Variants in OR14A16 observed in about 807,000 individuals in gnomAD.
OR14A16 encodes olfactory receptor 14A16.
For synonymous variants in OR14A16, 135 were observed against 137.6 expected, an observed-to-expected ratio of 0.98 and a Z score of 0.13; for missense variants, 341 against 366.5, an observed-to-expected ratio of 0.93 and a Z score of 0.57.
chr1:247,823,462 C>T lies in OR14A16; in HGVS notation c.-131+491G>A, dbSNP rs184796920. Among the ~76,000 whole-genome samples the T allele has an allele frequency of 4.6e-5, 7 of 152,294 alleles. No homozygotes were observed. In the East Asian group the frequency reaches 1.3e-3, roughly 29 times the overall value. On this transcript the variant is annotated intron_variant, in intron 1 of 2. Coordinates refer to ENST00000641093, the MANE Select transcript of OR14A16 (RefSeq NM_001001966.2). The stretch of plus-strand genomic sequence containing the variant: ...CACTCACTGAGCCATGATCATGACA[C>T]TACACTCCAGCCTGGGTGACAGAGC...
rs747144143 is a variant in OR14A16 at position 247,814,888 on chromosome 1, GT to G, written c.841del (p.Thr281ProfsTer9). 7 of 1,613,798 alleles carry G rather than the reference GT, an allele frequency of 4.3e-6. No individual in the cohort carries two copies. Reference protein sequence around the residue: ...ISVFYTMLPPTFNPIIYSLRN... With the variant: ...ISVFYTMLPPXFNPIIYSLRN... ...CAAACTGTATATAATGGGATTAAAG[GT>G]TGGGGGCAGCATAGTGTAGAACACA... On this transcript the variant is annotated frameshift_variant, in exon 3 of 3. Coordinates refer to ENST00000641093, the MANE Select transcript of OR14A16 (RefSeq NM_001001966.2). LOFTEE classifies it low-confidence loss of function (END_TRUNC).
Position 247,815,152 on chromosome 1 carries a change from C to T in OR14A16, c.578G>A (p.Arg193Lys), listed in dbSNP as rs1270517495. The T allele has an allele frequency of 1.2e-6, 2 of 1,613,124 alleles. No homozygotes were observed. The highest frequency in any genetic ancestry group is 8.5e-7 in the Non-Finnish European group (1 of 1,179,238). ...LAISCSENLI[R>K]EIALILINVV... ...ATTAATAAGGATGAGTGCAATTTCTCTTATTAAATTTTCTGAGCAAGAAAT... is the reference window on the plus strand; with the variant it reads ...ATTAATAAGGATGAGTGCAATTTCTTTTATTAAATTTTCTGAGCAAGAAAT... Residue 193 changes from arginine (R) to lysine (K), a missense_variant, in exon 3 of 3, where the codon AGA (arginine) becomes AAA (lysine). Coordinates refer to ENST00000641093, the MANE Select transcript of OR14A16 (RefSeq NM_001001966.2).
chr1:247,814,772 A>T lies in OR14A16; in HGVS notation c.*28T>A, dbSNP rs1210351487. On this transcript the variant is annotated 3_prime_UTR_variant, in exon 3 of 3. Transcript: ENST00000641093. ...TGTGTGTACATTATAAATGGTATCT[A>T]TTATTGAAAGAAGAAAAGCAACAGC... The T allele has an allele frequency of 7.8e-7, 1 of 1,280,860 alleles. No individual in the cohort carries two copies. The highest frequency in any genetic ancestry group is 2.3e-5 in the East Asian group (1 of 42,962). The allele number at this position is 1,280,860 out of a possible 1,614,324, so 79.3% of individuals were successfully genotyped here.
In OR14A16 at chr1:247,815,312, C is replaced by G. The variant is rs1437358199; in HGVS notation, c.418G>C (p.Val140Leu). Reference protein sequence around the residue: ...YDVIMDRSTCVQRATVSWLYG... With the variant: ...YDVIMDRSTCLQRATVSWLYG... ...AGCCAAGACACAGTGGCTCTTTGGA[C>G]ACAGGTGCTCCTGTCCATGATGACA... Residue 140 changes from valine to leucine, a missense_variant, in exon 3 of 3, where the codon GTC becomes CTC. Transcript: ENST00000641093. 2 of 1,614,096 alleles carry G rather than the reference C, an allele frequency of 1.2e-6. No homozygotes were observed. The highest frequency in any genetic ancestry group is 1.7e-6 in the Non-Finnish European group (2 of 1,180,014).
At chr1:247,821,486 G>A (rs1024317750) in intron 1 of OR14A16, among the ~76,000 whole-genome samples, 5 of 152,112 alleles carry the variant, frequency 3.3e-5, no homozygotes, top group Non-Finnish European at 7.3e-5. Context: ...CTTCTTGATT[G>A]ATTAACCCCT....
Position 247,815,420 on chromosome 1 carries a change from A to T in OR14A16, c.310T>A (p.Ser104Thr), listed in dbSNP as rs1305655139. Residue 104 changes from serine to threonine, a missense_variant, in exon 3 of 3, where the codon TCT becomes ACT. Transcript: ENST00000641093. ...GCVSQVFLLL[S>T]SASAELLLLT... ...AGGAGCAGCTCTGCAGATGCTGAAG[A>T]AAGCAACAAAAAGACCTGGGAAACA... 2 of 1,614,026 alleles carry T rather than the reference A, an allele frequency of 1.2e-6. No individual in the cohort carries two copies. The highest frequency in any genetic ancestry group is 3.3e-5 in the Admixed American group (2 of 60,028).
Position 247,815,029 on chromosome 1 carries a change from T to A in OR14A16, c.701A>T (p.Lys234Ile). 1 of 1,613,538 alleles carries A rather than the reference T, an allele frequency of 6.2e-7. No individual in the cohort carries two copies. The highest frequency in any genetic ancestry group is 1.7e-5 in the Admixed American group (1 of 60,008). ...KKIPSTEGQS[K>I]AYSICLPHLL... ...GTGTGGAAGGCAAATAGAGTAGGCTTTTGACTGGCCTTCTGTGGAAGGGAT... is the reference window on the plus strand; with the variant it reads ...GTGTGGAAGGCAAATAGAGTAGGCTATTGACTGGCCTTCTGTGGAAGGGAT... Residue 234 changes from lysine to isoleucine, a missense_variant, in exon 3 of 3, where the codon AAA (lysine) becomes ATA (isoleucine). Coordinates refer to ENST00000641093, the MANE Select transcript of OR14A16 (RefSeq NM_001001966.2).
At chr1:247,816,550 G>A (rs959068607) in intron 2 of OR14A16, among the ~76,000 whole-genome samples, 5 of 152,046 alleles carry the variant, frequency 3.3e-5, no homozygotes, top group African/African-American at 9.7e-5. Context: ...AACATGGCGA[G>A]ACCCCATCTC....
chr1:247,816,041 G>A (rs1161218040), intron 2 of OR14A16, among the ~76,000 whole-genome samples: 3 of 151,808 alleles, frequency 2.0e-5, no homozygotes, highest in Non-Finnish European at 4.4e-5. Flanking sequence ...AATTTTCTAC[G>A]GATGTTATCA....
rs1267001169 is a variant in OR14A16, at chr1:247,815,141, G to C, written c.589C>G (p.Leu197Val). 6.2e-7 allele frequency: 1 copy of C among 1,611,520 alleles called. No individual in the cohort carries two copies. The highest frequency in any genetic ancestry group is 8.5e-7 in the Non-Finnish European group (1 of 1,177,726). The change falls in exon 3 of 3, where the codon CTC becomes GTC. Residue 197 changes from leucine (L) to valine (V), a missense_variant. Leu to Val is a conservative substitution (Grantham distance 32). Coordinates refer to ENST00000641093, the MANE Select transcript of OR14A16 (RefSeq NM_001001966.2). The stretch of plus-strand genomic sequence containing the variant: ...TCCAAAACTACATTAATAAGGATGA[G>C]TGCAATTTCTCTTATTAAATTTTCT... ...CSENLIREIA[L>V]ILINVVLDFC...
Position 247,815,602 on chromosome 1 carries a change from A to G in OR14A16, c.128T>C (p.Ile43Thr). The change falls in exon 3 of 3, where the codon ATT (isoleucine) becomes ACT (threonine). Residue 43 changes from isoleucine (I) to threonine (T), a missense_variant. Transcript: ENST00000641093. ...ATGGTCCAAAGTTGTGATCATGATAATGAGGACATTCCCCATCAGGGCACA... is the reference window on the plus strand; with the variant it reads ...ATGGTCCAAAGTTGTGATCATGATAGTGAGGACATTCCCCATCAGGGCACA... ...YLCALMGNVL[I>T]IMITTLDHHL... 1 of 1,613,664 alleles carries G rather than the reference A, an allele frequency of 6.2e-7. No homozygotes were observed. Among genetic ancestry groups the G allele is most frequent in the Middle Eastern group, 1.6e-4 (1 of 6,062 alleles).
intron 1 of OR14A16, among the ~76,000 whole-genome samples, chr1:247,821,395 A>C (rs1197419396): frequency 1.3e-5 from 2 of 152,162 alleles, no homozygotes; most frequent in Admixed American, 1.3e-4. Flanking sequence ...CTTTATCACT[A>C]TCTCTCTTTT....
intron 1 of OR14A16, among the ~76,000 whole-genome samples, chr1:247,820,132 A>G (rs1408967689): frequency 1.3e-5 from 2 of 152,286 alleles, no homozygotes; most frequent in Admixed American, 6.5e-5. Flanking sequence ...CTAGTATTTC[A>G]TTGAAGATTT....
intron 1 of OR14A16, among the ~76,000 whole-genome samples, chr1:247,820,860 C>CA (rs35415698): frequency 0.16 from 18,911 of 120,600 alleles, 2,340 homozygotes; most frequent in African/African-American, 0.37. Flanking sequence ...AGCACCGTCT[C>CA]AAAAAAAAAA....
chr1:247,823,550 T>A (rs1423228830), intron 1 of OR14A16, among the ~76,000 whole-genome samples: 1 of 152,074 alleles, frequency 6.6e-6, no homozygotes, highest in East Asian at 1.9e-4. Context: ...CCCCAACATC[T>A]AGCATGACAA....
rs189124534 is a variant in OR14A16, at chr1:247,820,194, G to A, written c.-130-1017C>T. On this transcript the variant is annotated intron_variant, in intron 1 of 2. Transcript: ENST00000641093. The stretch of plus-strand genomic sequence containing the variant: ...GGCCTGTAATTTTTCTTTTCTTGCA[G>A]TATCCTTGTCAGGATTCAGTATCAG... 1.7e-4 allele frequency among the ~76,000 whole-genome samples: 26 copies of A among 152,254 alleles called. No homozygotes were observed. The East Asian group carries it at 4.8e-3, about 28-fold the overall frequency.
At chr1:247,816,842 A>C (rs1161400422) in intron 2 of OR14A16, among the ~76,000 whole-genome samples, 1 of 135,642 alleles carries the variant, frequency 7.4e-6, no homozygotes, top group Non-Finnish European at 1.6e-5. Flanking sequence ...TAATAAGTTA[A>C]ACTATGTTTT....
At chr1:247,820,694 A>AAAT (rs1662718615) in intron 1 of OR14A16, among the ~76,000 whole-genome samples, 1 of 145,466 alleles carries the variant, frequency 6.9e-6, no homozygotes, top group East Asian at 2.0e-4. Context: ...AAATACAAAA[A>AAAT]AAAACCCCAA....
At chr1:247,821,106 C>T (rs144778519) in intron 1 of OR14A16, among the ~76,000 whole-genome samples, 2 of 152,272 alleles carry the variant, frequency 1.3e-5, no homozygotes, top group Non-Finnish European at 2.9e-5. Context: ...TAGTTTCATA[C>T]CATGTAGTCA....
Sources: gnomAD v4.1 joint callset for allele counts (sites outside exome capture counted in the v4.1 genomes callset) on GRCh38, gnomAD v4.1.1 for gene constraint, MANE v1.5 for transcripts, NCBI Gene and HGNC (gene_info 2026-07-23, HGNC 2026-07-21) for gene names.